The following PALLD variants were observed in gnomAD, a reference collection of about 807,000 sequenced individuals.
The protein encoded by PALLD is palladin.
A neutral mutation model predicts 123.5 loss-of-function variants in PALLD; 61 were observed. That is an observed-to-expected ratio of 0.49 (90% CI 0.40 to 0.61). The LOEUF (loss-of-function observed/expected upper bound fraction) is 0.61. Ranked by LOEUF, PALLD falls within the 20% of genes least tolerant of loss-of-function variation. The pLI, the probability that PALLD is intolerant of heterozygous loss-of-function variation, is 0.00. For synonymous variants in PALLD, 465 were observed against 496.4 expected (o/e 0.94, Z 0.84); for missense variants, 1,273 against 1,377.0 (o/e 0.92, Z 1.20).
At chr4:168,538,877 TTC>T (rs1264328681) in intron 2 of PALLD, among the ~76,000 whole-genome samples, 2 of 152,218 alleles carry the variant, frequency 1.3e-5, no homozygotes, top group Non-Finnish European at 2.9e-5. Context: ...TTCTCTAGGA[TTC>T]TCTCTCTGTT....
rs566066285 is a variant in PALLD, at chr4:168,899,672, T to C, written c.2472+958T>C. On this transcript the variant is annotated intron_variant, in intron 14 of 21. Transcript: ENST00000505667. ...TGGCTCACGCCTGTAATCCCAGCAT[T>C]TTGCGAGGCCGAGATGGGTGGATCA... Among the ~76,000 whole-genome samples, 5 of 152,202 alleles carry C rather than the reference T, an allele frequency of 3.3e-5. No individual in the cohort carries two copies. In the East Asian group the frequency reaches 7.7e-4, roughly 24 times the overall value.
At chr4:168,821,685 GGC>G (rs1158349032) in intron 10 of PALLD, among the ~76,000 whole-genome samples, 1 of 151,818 alleles carries the variant, frequency 6.6e-6, no homozygotes, top group African/African-American at 2.4e-5. Context: ...AGACCAGCCT[GGC>G]CAAAATGGTG....
At chr4:168,587,593 C>T (rs939417768) in intron 2 of PALLD, among the ~76,000 whole-genome samples, 2 of 152,094 alleles carry the variant, frequency 1.3e-5, no homozygotes, top group Non-Finnish European at 2.9e-5. Flanking sequence ...CCCAACTTTT[C>T]CGTTTTTTCT....
At position 168,547,351 on chromosome 4, in the gene PALLD, T is replaced by TTG. The variant is rs749840879; in HGVS notation, c.908+34952_908+34953dup. Among the ~76,000 whole-genome samples, 288 of 150,796 alleles carry TTG rather than the reference T, an allele frequency of 1.9e-3. 3 individuals carry two copies. The highest frequency in any genetic ancestry group is 3.2e-3 in the Non-Finnish European group (213 of 67,596). On this transcript the variant is annotated intron_variant, in intron 2 of 21. Coordinates refer to ENST00000505667, the MANE Select transcript of PALLD (RefSeq NM_001166108.2). The stretch of plus-strand genomic sequence containing the variant: ...TGGGGAGTGTGTGGGAGTGTGTGTG[T>TTG]TGTGTGTGTGTGTGGCCAGCATAAC...
chr4:168,719,878 A>G (rs1785816246), intron 10 of PALLD, among the ~76,000 whole-genome samples: 1 of 152,108 alleles, frequency 6.6e-6, no homozygotes, highest in South Asian at 2.1e-4. Context: ...ATGGCCTCCA[A>G]CTTTGTCCAT....
At chr4:168,594,252 G>A (rs1343354130) in intron 2 of PALLD, among the ~76,000 whole-genome samples, 1 of 152,174 alleles carries the variant, frequency 6.6e-6, no homozygotes, top group East Asian at 1.9e-4. Context: ...CTTTGACTAA[G>A]ATGGAATTTG....
chr4:168,565,329 G>A (rs530585170), intron 2 of PALLD, among the ~76,000 whole-genome samples: 1 of 152,218 alleles, frequency 6.6e-6, no homozygotes, highest in Non-Finnish European at 1.5e-5. Flanking sequence ...GATACAAGGG[G>A]ATATTTAGAG....
At chr4:168,531,208 T>C (rs911968767) in intron 2 of PALLD, among the ~76,000 whole-genome samples, 1 of 152,190 alleles carries the variant, frequency 6.6e-6, no homozygotes, top group African/African-American at 2.4e-5. Context: ...TTTTCTACTA[T>C]TTGTCAGAAT....
At chr4:168,826,995 C>T (rs1228927894) in intron 10 of PALLD, among the ~76,000 whole-genome samples, 1 of 152,198 alleles carries the variant, frequency 6.6e-6, no homozygotes, top group Non-Finnish European at 1.5e-5. Flanking sequence ...TTACCTCACT[C>T]TCATAAGCTC....
intron 10 of PALLD, among the ~76,000 whole-genome samples, chr4:168,749,787 T>TGA (rs1730797313): frequency 6.6e-6 from 1 of 152,182 alleles, no homozygotes; most frequent in South Asian, 2.1e-4. Flanking sequence ...GGGTATTGTA[T>TGA]GATGCTGAGG....
intron 10 of PALLD, among the ~76,000 whole-genome samples, chr4:168,735,818 C>T (rs780429521): frequency 2.6e-5 from 4 of 152,096 alleles, no homozygotes; most frequent in East Asian, 1.9e-4. Context: ...TCTGAACAAG[C>T]GAGGATTAGT....
intron 1 of PALLD, among the ~76,000 whole-genome samples, chr4:168,507,073 A>C (rs1353534456): frequency 6.6e-6 from 1 of 152,126 alleles, no homozygotes; most frequent in African/African-American, 2.4e-5. Context: ...TGGGCTCTAG[A>C]TCAGCATCTC....
intron 10 of PALLD, among the ~76,000 whole-genome samples, chr4:168,728,657 A>C (rs1786833615): frequency 6.6e-6 from 1 of 152,178 alleles, no homozygotes; most frequent in Non-Finnish European, 1.5e-5. Context: ...GAAAAGAGAT[A>C]ATTTGAATTC....
chr4:168,670,770 A>AAAAC (rs1780167821), intron 3 of PALLD, among the ~76,000 whole-genome samples: 1 of 58,026 alleles, frequency 1.7e-5, no homozygotes, highest in Non-Finnish European at 3.3e-5. Flanking sequence ...AAAAACAAAA[A>AAAAC]AAAACAAAAA....
intron 10 of PALLD, among the ~76,000 whole-genome samples, chr4:168,857,512 A>G (rs1748777828): frequency 6.6e-6 from 1 of 152,220 alleles, no homozygotes; most frequent in Non-Finnish European, 1.5e-5. Context: ...ATGGAAAGGT[A>G]ATGTTTAAAG....
At chr4:168,898,157 T>C (rs780671408) in intron 13 of PALLD, 2 of 350,868 alleles carry the variant, frequency 5.7e-6, no homozygotes, top group Non-Finnish European at 1.1e-5. Flanking sequence ...TTATATTTTA[T>C]TGTTATCAAC....
intron 10 of PALLD, among the ~76,000 whole-genome samples, chr4:168,880,028 G>C (rs1280451784): frequency 1.3e-5 from 2 of 152,204 alleles, no homozygotes; most frequent in African/African-American, 4.8e-5. Flanking sequence ...GAGGAGTACT[G>C]TGTAAATAAT....
At chr4:168,855,740 G>C (rs1429813699) in intron 10 of PALLD, among the ~76,000 whole-genome samples, 1 of 152,220 alleles carries the variant, frequency 6.6e-6, no homozygotes, top group Non-Finnish European at 1.5e-5. Flanking sequence ...TGACCGTCCT[G>C]AATACTAATA....
chr4:168,653,620 T>C (rs549094004), intron 2 of PALLD, among the ~76,000 whole-genome samples: 25 of 152,228 alleles, frequency 1.6e-4, no homozygotes, highest in Non-Finnish European at 3.4e-4. Context: ...AATTAGAACA[T>C]TGATCCACAA....
Sources: gnomAD v4.1 joint callset for allele counts (sites outside exome capture counted in the v4.1 genomes callset) on GRCh38, gnomAD v4.1.1 for gene constraint, MANE v1.5 for transcripts, NCBI Gene and HGNC (gene_info 2026-07-23, HGNC 2026-07-21) for gene names.